OPA1: variants seen among roughly 807,000 people sequenced by gnomAD.
OPA1 encodes the protein dynamin-like GTPase OPA1, mitochondrial.
OPA1 carries 59 observed loss-of-function variants against 152.9 expected under a neutral mutation model. The ratio of observed to expected loss-of-function variants is 0.39; its 90% CI spans 0.31 to 0.48. The LOEUF is 0.48. Among genes scored for constraint, OPA1 ranks in the 20% least tolerant of loss-of-function variants. The pLI, the probability that OPA1 is intolerant of heterozygous loss-of-function variation, is 0.96. For missense variants in OPA1, 1,008 were observed against 1,216.8 expected, an observed-to-expected ratio of 0.83 and a Z score of 2.55; for synonymous variants, 400 against 389.9, an observed-to-expected ratio of 1.03 and a Z score of -0.31.
At chr3:193,643,274 A>G (rs1734055008) in intron 13 of OPA1, 99 bp from the exon 14 acceptor site, 5 of 984,688 alleles carry the variant, frequency 5.1e-6, no homozygotes, top group Admixed American at 3.6e-5. Flanking sequence ...ATCTGAATGG[A>G]TGAGATATAG....
At chr3:193,605,094 G>T (rs1345540879) in intron 1 of OPA1, among the ~76,000 whole-genome samples, 1 of 152,124 alleles carries the variant, frequency 6.6e-6, no homozygotes, top group Non-Finnish European at 1.5e-5. Flanking sequence ...AGGGGCTTCA[G>T]TAAACCCTTG....
At chr3:193,629,734 T>C (rs1577206074) in intron 7 of OPA1, among the ~76,000 whole-genome samples, 2 of 152,314 alleles carry the variant, frequency 1.3e-5, no homozygotes, top group South Asian at 4.2e-4. Context: ...TTATATAACT[T>C]TTTTATTTTA....
In OPA1 at chr3:193,687,993, G is replaced by A. The variant is rs376213675; in HGVS notation, c.2984-4070G>A. 1.1e-4 allele frequency among the ~76,000 whole-genome samples: 17 copies of A among 152,134 alleles called. No homozygotes were observed. In the East Asian group the frequency reaches 3.1e-3, roughly 28 times the overall value. On this transcript the variant is annotated intron_variant, in intron 29 of 30. Coordinates refer to ENST00000361510, the MANE Select transcript of OPA1 (RefSeq NM_130837.3). ...TGATCTGTGTTGCTTGTCTGGTTCA[G>A]GTGTGAGCCACCAGCTTTCTTTGAC...
At chr3:193,643,237 A>G (rs1734046700) in intron 13 of OPA1, 136 bp from the exon 14 acceptor site, 1 of 862,090 alleles carries the variant, frequency 1.2e-6, no homozygotes, top group African/African-American at 1.7e-5. Context: ...AGGATCAGAG[A>G]AAGAATACCA....
At chr3:193,614,677 A>C (rs1293481075) in intron 1 of OPA1, 46 bp from the exon 2 acceptor site, 7 of 1,401,488 alleles carry the variant, frequency 5.0e-6, no homozygotes, top group Non-Finnish European at 7.1e-6. Flanking sequence ...TTTCCTTTGT[A>C]CTGTTACCCT....
intron 21 of OPA1, among the ~76,000 whole-genome samples, chr3:193,651,589 T>C (rs1712460948): frequency 6.6e-6 from 1 of 152,212 alleles, no homozygotes; most frequent in Admixed American, 6.5e-5. Flanking sequence ...TGTGTCCCAT[T>C]TGGAATTATA....
chr3:193,677,040 C>A (rs982102038), intron 29 of OPA1, among the ~76,000 whole-genome samples: 1 of 147,998 alleles, frequency 6.8e-6, no homozygotes, highest in East Asian at 2.0e-4. Context: ...TTAGTACAAG[C>A]GTAAAAGAAC....
Position 193,667,237 on chromosome 3 carries a change from T to A in OPA1, c.2940T>A (p.Ile980=). The stretch of plus-strand genomic sequence containing the variant: ...TTGCTGAAGATGGTGAGAAGAAGAT[T>A]AAATTGCTTACTGGTAAACGCGTTC... ...EDFAEDGEKK[I]KLLTGKRVQL... is the part of the protein sequence containing the mutation. The change falls in exon 29 of 31, where the codon ATT becomes ATA. Residue 980 remains isoleucine (I), a synonymous_variant. Transcript: ENST00000361510. 1 of 1,606,968 alleles carries A rather than the reference T, an allele frequency of 6.2e-7. No homozygotes were observed. Among genetic ancestry groups the A allele is most frequent in the Non-Finnish European group, 8.5e-7 (1 of 1,173,478 alleles).
At chr3:193,615,404 C>T (rs1460107626) in intron 2 of OPA1, among the ~76,000 whole-genome samples, 7 of 152,178 alleles carry the variant, frequency 4.6e-5, no homozygotes, top group East Asian at 1.9e-4. Flanking sequence ...AGTCTGTCTT[C>T]CTTCTACCCC....
chr3:193,625,734 G>C (rs2108939810), intron 6 of OPA1, among the ~76,000 whole-genome samples: 1 of 150,938 alleles, frequency 6.6e-6, no homozygotes, highest in East Asian at 1.9e-4. Flanking sequence ...AGAGAATCAT[G>C]GTTGAGAATT....
chr3:193,646,996 TTGG>T lies in OPA1; in HGVS notation c.1755-64_1755-62del. Reference sequence around the variant, plus strand: ...GCTGTTAGCAAGCACATTCGCAGACTTGGTGGTAGTATTGTTGTCCTTTTTGTC... The same window carrying T: ...GCTGTTAGCAAGCACATTCGCAGACTTGGTAGTATTGTTGTCCTTTTTGTC... On this transcript the variant is annotated intron_variant, in intron 18 of 30. Transcript: ENST00000361510. 7.2e-6 allele frequency: 7 copies of T among 968,242 alleles called. No individual in the cohort carries two copies. In the South Asian group the frequency reaches 8.2e-5, roughly 11 times the overall value. The allele number at this position is 968,242 out of a possible 1,614,324, so 60.0% of individuals were successfully genotyped here.
In OPA1 at chr3:193,638,124, C is replaced by T; in HGVS notation, c.1149+59C>T. ...AGGAGAGTAACTGCTTCAGTGAGAC[C>T]TGTTCATTGTGTTGAAATGAGGACT... On this transcript the variant is annotated intron_variant, in intron 11 of 30. Transcript: ENST00000361510. The T allele has an allele frequency of 1.7e-6, 2 of 1,160,134 alleles. 1 individual carries two copies. The highest frequency in any genetic ancestry group is 2.6e-6 in the Non-Finnish European group (2 of 770,526). The allele number at this position is 1,160,134 out of a possible 1,614,324, so 71.9% of individuals were successfully genotyped here. A position where few individuals can be genotyped will look rare whatever the true frequency, so the allele number is the denominator to read the frequency against.
intron 1 of OPA1, among the ~76,000 whole-genome samples, chr3:193,599,707 T>C (rs1277860246): frequency 2.6e-5 from 4 of 152,210 alleles, no homozygotes; most frequent in Non-Finnish European, 5.9e-5. Context: ...CTAATCATTC[T>C]ACCTTGGGCA....
intron 30 of OPA1, among the ~76,000 whole-genome samples, chr3:193,692,766 C>G (rs180677713): frequency 1.1e-3 from 169 of 152,278 alleles, no homozygotes; most frequent in African/African-American, 3.8e-3. Flanking sequence ...ATCAGTAAGT[C>G]ACTTGCTTGA....
intron 29 of OPA1, among the ~76,000 whole-genome samples, chr3:193,683,273 C>CT (rs35730104): frequency 0.048 from 6,804 of 140,640 alleles, 488 homozygotes; most frequent in African/African-American, 0.16. Flanking sequence ...TTTCTTTTTT[C>CT]TTTTTTTTTT....
intron 1 of OPA1, among the ~76,000 whole-genome samples, chr3:193,594,250 A>C (rs563531103): frequency 6.6e-6 from 1 of 152,348 alleles, no homozygotes; most frequent in South Asian, 2.1e-4. Context: ...GATAGGAAGT[A>C]AGATGCATCA....
In OPA1 at chr3:193,692,043, CTTTATT is replaced by C; in HGVS notation, c.2984-14_2984-9del. ...ATACCTTTGAAAAATAAATGTTTTT[CTTTATT>C]TTTATCTCCACAGAGAAAGTTAGAG... On this transcript the variant is annotated splice_polypyrimidine_tract_variant and intron_variant, in intron 29 of 30. Transcript: ENST00000361510. 1 of 1,373,982 alleles carries C rather than the reference CTTTATT, an allele frequency of 7.3e-7. No individual in the cohort carries two copies. Among genetic ancestry groups the C allele is most frequent in the Non-Finnish European group, 1.0e-6 (1 of 983,158 alleles). The allele number at this position is 1,373,982 out of a possible 1,614,324, so 85.1% of individuals were successfully genotyped here.
At chr3:193,692,218 C>T (rs1721789718) in intron 30 of OPA1, 86 bp downstream of exon 30, 1 of 752,170 alleles carries the variant, frequency 1.3e-6, no homozygotes, top group Admixed American at 2.2e-5. Flanking sequence ...GCTTCATTTA[C>T]ATCCTGCTTG....
At chr3:193,670,063 G>T (rs2109307265) in intron 29 of OPA1, among the ~76,000 whole-genome samples, 1 of 152,318 alleles carries the variant, frequency 6.6e-6, no homozygotes. Flanking sequence ...TTGGAAAAGA[G>T]TCTGGAGAGT....
Sources: allele counts gnomAD v4.1 joint callset (sites outside exome capture counted in the v4.1 genomes callset), GRCh38; gene constraint gnomAD v4.1.1; transcripts MANE v1.5; gene names NCBI Gene and HGNC (gene_info 2026-07-23, HGNC 2026-07-21).